GRID2: variants seen among roughly 807,000 people sequenced by gnomAD.
GRID2 encodes glutamate receptor ionotropic, delta-2.
Under a neutral mutation model 114.8 loss-of-function variants are expected in GRID2, and 33 were observed. The ratio of observed to expected loss-of-function variants is 0.29; its 90% CI spans 0.22 to 0.38. GRID2 has a LOEUF of 0.38. GRID2 is among the 10% of genes least tolerant of loss of function. The pLI, the probability that GRID2 is intolerant of heterozygous loss-of-function variation, is 1.00. For synonymous variants in GRID2, 505 were observed against 449.9 expected (o/e 1.12, Z -1.55); for missense variants, 1,184 against 1,257.7 (o/e 0.94, Z 0.89).
At chr4:93,519,781 G>T (rs928530233) in intron 13 of GRID2, among the ~76,000 whole-genome samples, 2 of 152,136 alleles carry the variant, frequency 1.3e-5, no homozygotes, top group African/African-American at 4.8e-5. Context: ...CAGGGAAGTC[G>T]GTGGTGGTGC....
chr4:93,721,367 G>T lies in GRID2; in HGVS notation c.2361-47843G>T, dbSNP rs1560942441. 1.3e-5 allele frequency among the ~76,000 whole-genome samples: 2 copies of T among 152,130 alleles called. 1 individual carries two copies. The highest frequency in any genetic ancestry group is 4.1e-4 in the South Asian group (2 of 4,830). On this transcript the variant is annotated intron_variant, in intron 14 of 15. Transcript: ENST00000282020. Reference sequence around the variant, plus strand: ...GCAACTTAAATACTTTGAATTGGGTGGTTAGAATTTGTTCACCAGGCTAAC... The same window carrying T: ...GCAACTTAAATACTTTGAATTGGGTTGTTAGAATTTGTTCACCAGGCTAAC...
chr4:92,941,372 T>G lies in GRID2; in HGVS notation c.245-143623T>G, dbSNP rs527453784. Among the ~76,000 whole-genome samples the G allele has an allele frequency of 1.2e-3, 181 of 152,306 alleles. 2 individuals are homozygous for G. The highest frequency in any genetic ancestry group is 4.1e-3 in the African/African-American group (171 of 41,560). Reference sequence around the variant, plus strand: ...TATTTGCATAGAGGTGTTTATAGTATTCTCTGATGGTAGTCTGTATTTCTT... The same window carrying G: ...TATTTGCATAGAGGTGTTTATAGTAGTCTCTGATGGTAGTCTGTATTTCTT... On this transcript the variant is annotated intron_variant, in intron 2 of 15. Transcript: ENST00000282020.
intron 1 of GRID2, among the ~76,000 whole-genome samples, chr4:92,439,043 C>G (rs1041858580): frequency 4.6e-5 from 7 of 151,596 alleles, no homozygotes; most frequent in Non-Finnish European, 7.4e-5. Context: ...GGGCTGAGTC[C>G]GAAAAGAGAG....
intron 9 of GRID2, among the ~76,000 whole-genome samples, chr4:93,398,129 G>GTGTGTGTGTGTGTA (rs1553923239): frequency 0.05 from 5,627 of 113,170 alleles, 319 homozygotes; most frequent in Middle Eastern, 0.098. Context: ...ATGTATGTGT[G>GTGTGTGTGTGTGTA]TGTGTATATA....
chr4:93,511,354 AG>A (rs1729155052), intron 12 of GRID2, among the ~76,000 whole-genome samples: 1 of 152,226 alleles, frequency 6.6e-6, no homozygotes, highest in Non-Finnish European at 1.5e-5. Flanking sequence ...TAAATCACAC[AG>A]TACCTCAGTG....
chr4:93,768,021 G>A lies in GRID2; in HGVS notation c.2361-1189G>A, dbSNP rs78405105. Among the ~76,000 whole-genome samples, 706 of 152,288 alleles carry A rather than the reference G, an allele frequency of 4.6e-3. 13 individuals carry two copies. The highest frequency in any genetic ancestry group is 0.016 in the African/African-American group (684 of 41,570). On this transcript the variant is annotated intron_variant, in intron 14 of 15. Transcript: ENST00000282020. ...AGGTCTGAACTGACCCAGGAGCACA[G>A]GGCTCTGGGGCCCTTTCTTTCCACC...
chr4:93,784,071 CAAAAAAA>C (rs70942993), intron 1 of GRID2, among the ~76,000 whole-genome samples: 5 of 38,978 alleles, frequency 1.3e-4, no homozygotes, highest in East Asian at 1.7e-3. Flanking sequence ...GACTCCGTCT[CAAAAAAA>C]AAAAAAAAAA....
intron 2 of GRID2, among the ~76,000 whole-genome samples, chr4:92,750,589 G>A (rs895124084): frequency 3.9e-5 from 6 of 152,150 alleles, no homozygotes; most frequent in Non-Finnish European, 5.9e-5. Context: ...CTGTTGAGGC[G>A]ACACTATGGG....
chr4:92,980,346 AATTT>A (rs1204209772), intron 2 of GRID2, among the ~76,000 whole-genome samples: 21 of 152,104 alleles, frequency 1.4e-4, no homozygotes, highest in African/African-American at 3.4e-4. Context: ...TGACTTAATT[AATTT>A]ATTTGTATAA....
chr4:92,766,606 A>G (rs1738282937), intron 2 of GRID2, among the ~76,000 whole-genome samples: 1 of 152,106 alleles, frequency 6.6e-6, no homozygotes, highest in Non-Finnish European at 1.5e-5. Flanking sequence ...AAGTTGAATG[A>G]ATGATATATT....
intron 1 of GRID2, among the ~76,000 whole-genome samples, chr4:92,385,875 C>CGT (rs746827198): frequency 3.6e-3 from 491 of 137,818 alleles, no homozygotes; most frequent in African/African-American, 4.9e-3. Context: ...ATATAATATA[C>CGT]GTGTGTGTGT....
chr4:93,390,222 C>G (rs955005062), intron 8 of GRID2, among the ~76,000 whole-genome samples: 5 of 152,084 alleles, frequency 3.3e-5, no homozygotes, highest in Admixed American at 3.3e-4. Context: ...TTGGATGGAG[C>G]ATCAGAATTT....
intron 4 of GRID2, among the ~76,000 whole-genome samples, chr4:93,130,841 A>C (rs1412366027): frequency 6.6e-6 from 1 of 152,150 alleles, no homozygotes; most frequent in African/African-American, 2.4e-5. Context: ...GATTGCAGCT[A>C]CTTGATTTTG....
chr4:93,120,829 T>C (rs1424109553), intron 4 of GRID2, among the ~76,000 whole-genome samples: 5 of 152,030 alleles, frequency 3.3e-5, no homozygotes, highest in Admixed American at 2.6e-4. Flanking sequence ...GGCGGGCACC[T>C]GTAGTCCCAG....
At chr4:92,954,606 A>T (rs1752257253) in intron 2 of GRID2, among the ~76,000 whole-genome samples, 1 of 145,334 alleles carries the variant, frequency 6.9e-6, no homozygotes, top group African/African-American at 2.5e-5. Context: ...TTTTTTTTTA[A>T]TTTTCTTTTT....
At chr4:93,586,744 T>C (rs1737573839) in intron 13 of GRID2, among the ~76,000 whole-genome samples, 2 of 152,134 alleles carry the variant, frequency 1.3e-5, no homozygotes, top group Non-Finnish European at 2.9e-5. Flanking sequence ...CCACTGGACC[T>C]GTTGCTGAAT....
Position 93,379,888 on chromosome 4 carries a change from C to T in GRID2, c.1246-15719C>T, listed in dbSNP as rs187827727. Reference sequence around the variant, plus strand: ...TTGAGATACACAAAGCATCAATTCTCCCCATTGGATTTGGATCCCATAAAA... The same window carrying T: ...TTGAGATACACAAAGCATCAATTCTTCCCATTGGATTTGGATCCCATAAAA... On this transcript the variant is annotated intron_variant, in intron 8 of 15. Coordinates refer to ENST00000282020, the MANE Select transcript of GRID2 (RefSeq NM_001510.4). 3.0e-4 allele frequency among the ~76,000 whole-genome samples: 45 copies of T among 152,196 alleles called. 1 individual carries two copies. The East Asian group carries it at 8.7e-3, about 30-fold the overall frequency.
chr4:92,458,362 T>C (rs539778067), intron 1 of GRID2, among the ~76,000 whole-genome samples: 1 of 152,200 alleles, frequency 6.6e-6, no homozygotes, highest in Non-Finnish European at 1.5e-5. Flanking sequence ...GTGACCTTTG[T>C]CATTTCATAT....
At chr4:93,692,147 A>T (rs1440200941) in intron 14 of GRID2, among the ~76,000 whole-genome samples, 1 of 152,154 alleles carries the variant, frequency 6.6e-6, no homozygotes, top group Non-Finnish European at 1.5e-5. Context: ...AATATAGCAC[A>T]TATTAAAAAG....
Sources: allele counts gnomAD v4.1 joint callset (sites outside exome capture counted in the v4.1 genomes callset), GRCh38; gene constraint gnomAD v4.1.1; transcripts MANE v1.5; gene names NCBI Gene and HGNC (gene_info 2026-07-23, HGNC 2026-07-21).